The following COMT variants were observed in gnomAD, a reference collection of about 807,000 sequenced individuals.
COMT encodes catechol O-methyltransferase.
In COMT, 13 loss-of-function variants were observed where a neutral mutation model predicts 18.9. That is an observed-to-expected ratio of 0.69 (90% confidence interval 0.45 to 1.09). The LOEUF is 1.09. COMT is among the 50% of genes least tolerant of loss of function. The pLI is 0.00. For missense variants in COMT, 329 were observed against 361.8 expected (o/e 0.91, Z 0.73); for synonymous variants, 150 against 160.9 (o/e 0.93, Z 0.51).
chr22:19,966,456 GAA>G (rs1285603462), intron 5 of COMT, among the ~76,000 whole-genome samples: 16 of 107,450 alleles, frequency 1.5e-4, no homozygotes, highest in Non-Finnish European at 2.6e-4. Flanking sequence ...AAAAAAAAAA[GAA>G]AAAGACAGAG....
intron 1 of COMT, among the ~76,000 whole-genome samples, chr22:19,953,207 G>A (rs1204664752): frequency 6.6e-6 from 1 of 152,150 alleles, no homozygotes; most frequent in Non-Finnish European, 1.5e-5. Flanking sequence ...GGAGAGCAAT[G>A]AGGAGGTCAG....
intron 3 of COMT, chr22:19,963,196 C>T: frequency 2.1e-6 from 1 of 477,842 alleles, no homozygotes; most frequent in South Asian, 2.7e-5. Flanking sequence ...CGGAGTGACT[C>T]AGGGAACTAG....
rs538740622 is a variant in COMT at position 19,962,175 on chromosome 22, C to A, written c.1-352C>A. The A allele has an allele frequency of 1.6e-4, 57 of 361,400 alleles. 1 individual carries two copies. The highest frequency in any genetic ancestry group is 1.5e-3 in the South Asian group (56 of 36,552). 22.4% of individuals were successfully genotyped at this position (361,400 alleles called of 1,614,324 possible). On this transcript the variant is annotated intron_variant, in intron 2 of 5. Coordinates refer to ENST00000361682, the MANE Select transcript of COMT (RefSeq NM_000754.4). The stretch of plus-strand genomic sequence containing the variant: ...TCCCTACCCCTGGGTGTCCTCTAAG[C>A]CAGCTGGGAGACAACAGCCTGAGTC...
intron 1 of COMT, among the ~76,000 whole-genome samples, chr22:19,956,621 C>A (rs545037414): frequency 6.6e-6 from 1 of 152,166 alleles, no homozygotes. Flanking sequence ...TGTGGTCTGC[C>A]CGCCTTGGCC....
rs779163594 is a variant in COMT at position 19,964,075 on chromosome 22, T to C, written c.484-93T>C. The C allele has an allele frequency of 3.1e-6, 5 of 1,610,606 alleles. No individual in the cohort carries two copies. The Admixed American group carries it at 8.3e-5, about 27-fold the overall frequency. ...GTGTGTAAAGATGGCCTCCTGTCTG[T>C]GTGGGCGTGGGCACTGACAGGCGCT... On this transcript the variant is annotated intron_variant, in intron 4 of 5. Transcript: ENST00000361682.
At chr22:19,963,385 G>A in intron 3 of COMT, 181 bp from the exon 4 acceptor site, 1 of 686,504 alleles carries the variant, frequency 1.5e-6, no homozygotes, top group Non-Finnish European at 2.5e-6. Flanking sequence ...CTGGGGGCTG[G>A]GGACACCAGG....
At position 19,963,838 on chromosome 22, in the gene COMT, C is replaced by T. The variant is rs1395071188; in HGVS notation, c.483+79C>T. On this transcript the variant is annotated intron_variant, in intron 4 of 5. Transcript: ENST00000361682. Reference sequence around the variant, plus strand: ...GGAGGGCATGCGCACTTTGTCCTCCCCACCAGGTGTTCACACCACGTTCAC... The same window carrying T: ...GGAGGGCATGCGCACTTTGTCCTCCTCACCAGGTGTTCACACCACGTTCAC... The T allele has an allele frequency of 4.0e-6, 6 of 1,494,686 alleles. 1 individual carries two copies. The Admixed American group carries it at 9.6e-5, about 24-fold the overall frequency. 92.6% of individuals were successfully genotyped at this position (1,494,686 alleles called of 1,614,324 possible). A position where few individuals can be genotyped will look rare whatever the true frequency, so the allele number is the denominator to read the frequency against.
chr22:19,967,113 C>T (rs1942442438), intron 5 of COMT: 16 of 1,284,726 alleles, frequency 1.2e-5, no homozygotes, highest in Non-Finnish European at 1.5e-5. Flanking sequence ...CCAAAGGTGA[C>T]CCATGCTCCT....
At position 19,968,800 on chromosome 22, in the gene COMT, C is replaced by T; in HGVS notation, c.*64C>T. On this transcript the variant is annotated 3_prime_UTR_variant, in exon 6 of 6. Coordinates refer to ENST00000361682, the MANE Select transcript of COMT (RefSeq NM_000754.4). ...CCTGGTACTGAAGGTGCCAGACGTGCTCCTGCTGACCTTCTGCGGCTCCGG... is the reference window on the plus strand; with the variant it reads ...CCTGGTACTGAAGGTGCCAGACGTGTTCCTGCTGACCTTCTGCGGCTCCGG... The T allele has an allele frequency of 1.3e-6, 2 of 1,492,606 alleles. No homozygotes were observed. Among genetic ancestry groups the T allele is most frequent in the Non-Finnish European group, 9.2e-7 (1 of 1,091,874 alleles). 92.5% of individuals were successfully genotyped at this position (1,492,606 alleles called of 1,614,324 possible).
At chr22:19,958,575 T>TAAAAAAA (rs361574) in intron 1 of COMT, among the ~76,000 whole-genome samples, 1 of 121,664 alleles carries the variant, frequency 8.2e-6, no homozygotes. Flanking sequence ...TTATTTTCCT[T>TAAAAAAA]AAAAAAAAAA....
intron 4 of COMT, 55 bp downstream of exon 4, chr22:19,963,814 G>A (rs1341618616): frequency 6.4e-7 from 1 of 1,558,714 alleles, no homozygotes; most frequent in Non-Finnish European, 8.7e-7. Flanking sequence ...TGTGGGCAGG[G>A]AGGGCATGCG....
In COMT at chr22:19,962,602, C is replaced by T. The variant is rs756235784; in HGVS notation, c.76C>T (p.Leu26=). 1.3e-6 allele frequency: 2 copies of T among 1,589,952 alleles called. No individual in the cohort carries two copies. The highest frequency in any genetic ancestry group is 2.3e-5 in the East Asian group (1 of 43,528). Reference sequence around the variant, plus strand: ...GCTGCTGGTGGTGCTGCTGCTGCTTCTGAGGCACTGGGGCTGGGGCCTGTG... The same window carrying T: ...GCTGCTGGTGGTGCTGCTGCTGCTTTTGAGGCACTGGGGCTGGGGCCTGTG... ...LVLLVVLLLL[L]RHWGWGLCLI... The change falls in exon 3 of 6, where the codon CTG becomes TTG. Residue 26 remains leucine (L), a synonymous_variant. Transcript: ENST00000361682.
chr22:19,958,668 T>C (rs1327873238), intron 1 of COMT, among the ~76,000 whole-genome samples: 1 of 129,932 alleles, frequency 7.7e-6, no homozygotes, highest in Non-Finnish European at 1.6e-5. Context: ...GCACTTGAGC[T>C]CAGGAGACTA....
intron 1 of COMT, among the ~76,000 whole-genome samples, chr22:19,956,137 C>CTTTTTTTTTTTTTTTTTTTTTTTTTT (rs71186638): frequency 1.8e-4 from 15 of 84,824 alleles, no homozygotes; most frequent in Non-Finnish European, 2.5e-4. Context: ...TTCTTTTTTT[C>CTTTTTTTTTTTTTTTTTTTTTTTTTT]TTTTTTTTTT....
In COMT at chr22:19,968,517, C is replaced by T. The variant is rs774375300; in HGVS notation, c.616-19C>T. ...GCACCTCTGACCCTCACCTCCCCCA[C>T]CCCCCGGTCTGTTTGCAGGAATGTG... is the stretch of plus-strand genomic sequence containing the variant. On this transcript the variant is annotated intron_variant, in intron 5 of 5. Coordinates refer to ENST00000361682, the MANE Select transcript of COMT (RefSeq NM_000754.4). 1.1e-5 allele frequency: 17 copies of T among 1,609,492 alleles called. No homozygotes were observed. Among genetic ancestry groups the T allele is most frequent in the Non-Finnish European group, 1.4e-5 (16 of 1,177,482 alleles).
chr22:19,968,463 C>T, intron 5 of COMT, 73 bp from the exon 6 acceptor site: 2 of 1,460,272 alleles, frequency 1.4e-6, no homozygotes, highest in Non-Finnish European at 1.9e-6. Flanking sequence ...GTGAGGAGCA[C>T]CCATCCTGGT....
chr22:19,945,629 G>A (rs1350966765), intron 1 of COMT, among the ~76,000 whole-genome samples: 2 of 152,040 alleles, frequency 1.3e-5, no homozygotes, highest in Non-Finnish European at 2.9e-5. Flanking sequence ...ATAATATTAC[G>A]AGTCATTGAT....
In COMT at chr22:19,963,711, TGCC is replaced by T. The variant is rs1183099746; in HGVS notation, c.439_441del (p.Ala147del). 8 of 1,612,870 alleles carry T rather than the reference TGCC, an allele frequency of 5.0e-6. No individual in the cohort carries two copies. The highest frequency in any genetic ancestry group is 2.2e-5 in the East Asian group (1 of 44,894). On this transcript the variant is annotated inframe_deletion, in exon 4 of 6. Transcript: ENST00000361682. ...TCACCATCGAGATCAACCCCGACTG[TGCC>T]GCCATCACCCAGCGGATGGTGGATT... is the stretch of plus-strand genomic sequence containing the variant.
intron 1 of COMT, among the ~76,000 whole-genome samples, chr22:19,955,821 C>G (rs191426199): frequency 6.6e-6 from 1 of 152,350 alleles, no homozygotes; most frequent in East Asian, 1.9e-4. Context: ...GTGGCCTTTC[C>G]GAGGGTCACT....
Sources: gnomAD v4.1 joint callset for allele counts (sites outside exome capture counted in the v4.1 genomes callset) on GRCh38, gnomAD v4.1.1 for gene constraint, MANE v1.5 for transcripts, NCBI Gene and HGNC (gene_info 2026-07-23, HGNC 2026-07-21) for gene names.